The following FGF13 variants were observed in gnomAD, a reference collection of about 807,000 sequenced individuals.
FGF13 encodes the protein fibroblast growth factor 13.
A neutral mutation model predicts 19.5 loss-of-function variants in FGF13; 2 were observed. The ratio of observed to expected loss-of-function variants is 0.10; its 90% CI spans 0.04 to 0.32. The LOEUF is 0.32. Among genes scored for constraint, FGF13 ranks in the 10% least tolerant of loss-of-function variants. The probability of loss-of-function intolerance (pLI) is 1.00; values close to 1 mark genes in which losing one functional copy is unlikely to be tolerated. For missense variants in FGF13, 113 were observed against 192.7 expected (o/e 0.59, Z 2.45); for synonymous variants, 72 against 76.9 (o/e 0.94, Z 0.33).
intron 3 of FGF13, among the ~76,000 whole-genome samples, chrX:138,846,185 T>TTGTGTGTG (rs200911113): frequency 0.18 from 17,573 of 96,369 alleles, 1,717 homozygotes; most frequent in South Asian, 0.28. Context: ...ATGTGTCCAT[T>TTGTGTGTG]TGTGTGTGTG....
chrX:139,143,649 C>T (rs1358125948), intron 1 of FGF13, among the ~76,000 whole-genome samples: 1 of 111,335 alleles, frequency 9.0e-6, no homozygotes, highest in Non-Finnish European at 1.9e-5. Context: ...CATTTTGGAC[C>T]TGCTTGTCCC....
rs184293612 is a variant in FGF13 at position 138,645,831 on chromosome X, G to C, written c.403-10176C>G. Among the ~76,000 whole-genome samples the C allele has an allele frequency of 3.5e-3, 396 of 111,803 alleles. 4 individuals are homozygous for C. Among genetic ancestry groups the C allele is most frequent in the Non-Finnish European group, 5.5e-3 (291 of 53,161 alleles). On this transcript the variant is annotated intron_variant, in intron 3 of 4. Transcript: ENST00000315930. ...CAAGGATGACAATGCATGAGCCTTT[G>C]ATTTAGCGCTTAAAATATTCTAAGA...
intron 1 of FGF13, among the ~76,000 whole-genome samples, chrX:138,887,673 C>A (rs1351210623): frequency 8.9e-6 from 1 of 112,000 alleles, no homozygotes; most frequent in Non-Finnish European, 1.9e-5. Context: ...AGGGGCTTGA[C>A]AATGACTCAT....
intron 1 of FGF13, among the ~76,000 whole-genome samples, chrX:139,198,789 C>G (rs2084393890): frequency 1.8e-5 from 2 of 111,125 alleles, no homozygotes; most frequent in South Asian, 7.6e-4. Context: ...AATGGCCATC[C>G]AATTCAAGGA....
At chrX:139,092,978 G>A (rs1164811038) in intron 1 of FGF13, among the ~76,000 whole-genome samples, 1 of 111,349 alleles carries the variant, frequency 9.0e-6, no homozygotes, top group Admixed American at 9.6e-5. Context: ...CTACAACAAA[G>A]TCTGTTTAAC....
At chrX:138,992,041 A>T (rs774538249) in intron 1 of FGF13, among the ~76,000 whole-genome samples, 7 of 111,646 alleles carry the variant, frequency 6.3e-5, no homozygotes, top group Non-Finnish European at 1.1e-4. Flanking sequence ...CATTTCTCTA[A>T]TTATAAGTGA....
At chrX:139,123,651 G>T (rs1186178153) in intron 1 of FGF13, among the ~76,000 whole-genome samples, 1 of 111,900 alleles carries the variant, frequency 8.9e-6, no homozygotes. Flanking sequence ...TGTTTATTGT[G>T]TGTCTTCTGT....
At chrX:139,056,644 A>G (rs1342114315) in intron 1 of FGF13, among the ~76,000 whole-genome samples, 2 of 112,390 alleles carry the variant, frequency 1.8e-5, no homozygotes, top group African/African-American at 6.5e-5. Flanking sequence ...AGTGGTTATG[A>G]GTAATAATGT....
chrX:138,637,478 T>C (rs1257608258), intron 3 of FGF13, among the ~76,000 whole-genome samples: 2 of 112,444 alleles, frequency 1.8e-5, no homozygotes, highest in Admixed American at 9.4e-5. Flanking sequence ...TGATACCAAA[T>C]AGCCACATAA....
chrX:139,163,517 T>C (rs1266704874), intron 1 of FGF13, among the ~76,000 whole-genome samples: 3 of 111,019 alleles, frequency 2.7e-5, no homozygotes, highest in African/African-American at 9.9e-5. Context: ...GTTCTGCCCA[T>C]GTATCCCAGA....
At chrX:139,131,049 C>A (rs1358392548) in intron 1 of FGF13, among the ~76,000 whole-genome samples, 1 of 110,968 alleles carries the variant, frequency 9.0e-6, no homozygotes, top group East Asian at 2.8e-4. Flanking sequence ...TAAGGTTGGC[C>A]TATAATTTTC....
intron 3 of FGF13, among the ~76,000 whole-genome samples, chrX:138,848,442 T>C (rs780947349): frequency 9.0e-6 from 1 of 111,163 alleles, no homozygotes; most frequent in African/African-American, 3.3e-5. Flanking sequence ...ATCACTTAGA[T>C]AGATTTTAAA....
intron 1 of FGF13, among the ~76,000 whole-genome samples, chrX:139,055,285 T>A (rs2092317645): frequency 8.9e-6 from 1 of 111,988 alleles, no homozygotes; most frequent in Admixed American, 9.5e-5. Context: ...CTTTCAACTT[T>A]TCCCCATTCA....
intron 1 of FGF13, among the ~76,000 whole-genome samples, chrX:139,090,131 G>A (rs1603194521): frequency 8.9e-6 from 1 of 112,129 alleles, no homozygotes; most frequent in East Asian, 2.8e-4. Context: ...CTAATAATAA[G>A]CTACATTTTT....
chrX:138,857,511 C>T (rs1032247400), downstream of FGF13: 8 of 1,188,340 alleles, frequency 6.7e-6, no homozygotes, highest in Non-Finnish European at 9.0e-6. Context: ...CGTGCACAAA[C>T]CTTCCGGCTC....
At position 138,619,517 on chromosome X, in the gene FGF13, A is replaced by G. The variant is rs773879265; in HGVS notation, c.*13333T>C. The G allele has an allele frequency of 1.8e-5, 2 of 111,478 alleles. No homozygotes were observed. Among genetic ancestry groups the G allele is most frequent in the Non-Finnish European group, 3.8e-5 (2 of 53,135 alleles). 9.2% of individuals were successfully genotyped at this position (111,478 alleles called of 1,213,427 possible). On this transcript the variant is annotated 3_prime_UTR_variant, in exon 5 of 5. Coordinates refer to ENST00000315930, the MANE Select transcript of FGF13 (RefSeq NM_004114.5). ...ATAAAAAGAAAGAAAGACAGAAACT[A>G]TCACAGTGAACATGCAACCTACAGA...
intron 1 of FGF13, among the ~76,000 whole-genome samples, chrX:139,112,144 T>A (rs184425315): frequency 7.0e-4 from 78 of 111,813 alleles, no homozygotes; most frequent in African/African-American, 2.5e-3. Context: ...CAAACAAACA[T>A]GGGATTGAGT....
At chrX:138,859,249 T>C (rs2091275774) in intron 2 of FGF13, among the ~76,000 whole-genome samples, 1 of 111,997 alleles carries the variant, frequency 8.9e-6, no homozygotes, top group Non-Finnish European at 1.9e-5. Context: ...GTTATGATAA[T>C]ATAGACACTC....
chrX:138,814,340 A>T (rs2090947334), intron 3 of FGF13, among the ~76,000 whole-genome samples: 1 of 110,608 alleles, frequency 9.0e-6, no homozygotes, highest in Admixed American at 9.7e-5. Context: ...AATCATCTAT[A>T]ATTTAAAGGG....
Sources: allele counts gnomAD v4.1 joint callset (sites outside exome capture counted in the v4.1 genomes callset), GRCh38; gene constraint gnomAD v4.1.1; transcripts MANE v1.5; gene names NCBI Gene and HGNC (gene_info 2026-07-23, HGNC 2026-07-21).